Variants in CDH23 observed in about 807,000 individuals in gnomAD.
CDH23 encodes cadherin-23.
A neutral mutation model predicts 317.1 loss-of-function variants in CDH23; 189 were observed. That is an observed-to-expected ratio of 0.60 (90% CI 0.53 to 0.67). The LOEUF is 0.67. CDH23 is among the 30% of genes least tolerant of loss of function. The pLI is 0.00. For missense variants in CDH23, 4,401 were observed against 4,592.4 expected (o/e 0.96, Z 1.20); for synonymous variants, 1,839 against 1,876.8 (o/e 0.98, Z 0.52).
chr10:71,590,979 T>A (rs1054439561), intron 9 of CDH23, among the ~76,000 whole-genome samples: 1 of 151,224 alleles, frequency 6.6e-6, no homozygotes, highest in African/African-American at 2.4e-5. Flanking sequence ...GGTCTTAATG[T>A]GCCAGCTTCC....
At chr10:71,403,333 TTCTTTC>T (rs1847883271) in intron 1 of CDH23, among the ~76,000 whole-genome samples, 1 of 33,036 alleles carries the variant, frequency 3.0e-5, no homozygotes, top group Non-Finnish European at 5.6e-5. Context: ...CTTCCTTTCT[TTCTTTC>T]TTTCTTTCTT....
rs942310485 is a variant in CDH23, at chr10:71,779,495, C to A, written c.5368+48C>A. On this transcript the variant is annotated intron_variant, in intron 41 of 69. Transcript: ENST00000224721. The stretch of plus-strand genomic sequence containing the variant: ...CACCCACAGGGTCTCACCTGCACAC[C>A]CGCTCAGGGGAGGATAAGAAGGGAG... 5.3e-6 allele frequency: 8 copies of A among 1,500,356 alleles called. No individual in the cohort carries two copies. In the African/African-American group the frequency reaches 1.1e-4, roughly 21 times the overall value. The allele number at this position is 1,500,356 out of a possible 1,614,324, so 92.9% of individuals were successfully genotyped here. A position where few individuals can be genotyped will look rare whatever the true frequency, so the allele number is the denominator to read the frequency against.
chr10:71,536,358 G>A (rs61853869), intron 6 of CDH23, among the ~76,000 whole-genome samples: 21,958 of 152,202 alleles, frequency 0.14, 1,923 homozygotes, highest in African/African-American at 0.23. Context: ...GGAGGAGGCT[G>A]GTTCAATGGA....
intron 38 of CDH23, chr10:71,749,737 G>C (rs1021078249): frequency 6.6e-6 from 1 of 152,388 alleles, no homozygotes; most frequent in Non-Finnish European, 1.5e-5. Flanking sequence ...GTCCAGGTGG[G>C]GTTCCCTGGC....
At chr10:71,767,552 G>C (rs975303720) in intron 38 of CDH23, among the ~76,000 whole-genome samples, 23 of 152,214 alleles carry the variant, frequency 1.5e-4, no homozygotes, top group African/African-American at 5.3e-4. Context: ...CATCCCCCAG[G>C]ATGGTCCACA....
intron 38 of CDH23, chr10:71,760,663 C>G: frequency 1.7e-6 from 1 of 587,518 alleles, no homozygotes; most frequent in African/African-American, 1.9e-5. Context: ...GGAGCAGAGA[C>G]TCCAGAGCAG....
At chr10:71,624,734 C>CTATTATTATTATTAT (rs57038733) in intron 11 of CDH23, among the ~76,000 whole-genome samples, 14 of 146,212 alleles carry the variant, frequency 9.6e-5, no homozygotes, top group African/African-American at 3.0e-4. Context: ...TAGACATTAG[C>CTATTATTATTATTAT]TATTATTATT....
intron 3 of CDH23, among the ~76,000 whole-genome samples, chr10:71,462,955 C>T (rs929543787): frequency 9.9e-5 from 15 of 152,246 alleles, no homozygotes; most frequent in African/African-American, 3.4e-4. Context: ...GAGTGAACAA[C>T]CTCTTCATTG....
chr10:71,558,052 T>A (rs1699606900), intron 6 of CDH23, among the ~76,000 whole-genome samples: 1 of 152,058 alleles, frequency 6.6e-6, no homozygotes, highest in African/African-American at 2.4e-5. Flanking sequence ...GGCTGGTGTG[T>A]AATGGCATGG....
At chr10:71,713,667 G>T in intron 28 of CDH23, 1 of 239,442 alleles carries the variant, frequency 4.2e-6, no homozygotes, top group Non-Finnish European at 8.3e-6. Flanking sequence ...GGGTTCTCTC[G>T]ATCAGGGCCT....
Position 71,805,901 on chromosome 10 carries a change from G to A in CDH23, c.7968G>A (p.Ala2656=), listed in dbSNP as rs775852686. 2 of 1,613,638 alleles carry A rather than the reference G, an allele frequency of 1.2e-6. No homozygotes were observed. Among genetic ancestry groups the A allele is most frequent in the South Asian group, 1.1e-5 (1 of 90,952 alleles). Residue 2656 remains alanine, a synonymous_variant, in exon 56 of 70, where the codon GCG becomes GCA. Transcript: ENST00000224721. ...TGCGCTACAGCTTCCTGAAGACTGC[G>A]GGCAACCGGGACTGGGAGTTCTTCA... is the stretch of plus-strand genomic sequence containing the variant. ...GAVRYSFLKT[A]GNRDWEFFII...
At chr10:71,668,332 C>T (rs974006177) in intron 14 of CDH23, among the ~76,000 whole-genome samples, 2 of 152,238 alleles carry the variant, frequency 1.3e-5, no homozygotes, top group East Asian at 1.9e-4. Context: ...TTCAACAGGG[C>T]GAGGAGGATG....
chr10:71,657,486 T>A (rs1168461324), intron 14 of CDH23, among the ~76,000 whole-genome samples: 1 of 152,202 alleles, frequency 6.6e-6, no homozygotes, highest in East Asian at 1.9e-4. Flanking sequence ...ATTCTACCAT[T>A]GTATAAAGCT....
chr10:71,607,770 G>T (rs1191470330), intron 9 of CDH23, among the ~76,000 whole-genome samples: 1 of 152,220 alleles, frequency 6.6e-6, no homozygotes, highest in Non-Finnish European at 1.5e-5. Context: ...GAGCGCAGTG[G>T]TGTGCACCTG....
intron 41 of CDH23, among the ~76,000 whole-genome samples, chr10:71,783,885 C>A (rs528015369): frequency 6.6e-6 from 1 of 152,328 alleles, no homozygotes; most frequent in South Asian, 2.1e-4. Flanking sequence ...TGGGATGGAT[C>A]GTACATTGCG....
chr10:71,762,694 T>C (rs1383890344), intron 38 of CDH23, among the ~76,000 whole-genome samples: 4 of 152,240 alleles, frequency 2.6e-5, no homozygotes, highest in African/African-American at 9.6e-5. Flanking sequence ...GGAGAGTCTT[T>C]GGACTTGGTG....
At chr10:71,716,831 C>T (rs1866271468) in intron 28 of CDH23, 2 of 155,582 alleles carry the variant, frequency 1.3e-5, no homozygotes, top group Admixed American at 1.3e-4. Flanking sequence ...ATGTTTTTAT[C>T]AATGTAATTA....
chr10:71,678,662 T>G (rs1314336773), intron 16 of CDH23, among the ~76,000 whole-genome samples: 1 of 152,166 alleles, frequency 6.6e-6, no homozygotes, highest in Non-Finnish European at 1.5e-5. Context: ...CAGCTCCAGG[T>G]GTACCCGGAG....
chr10:71,681,394 G>A (rs899505254), intron 17 of CDH23, among the ~76,000 whole-genome samples: 1 of 152,134 alleles, frequency 6.6e-6, no homozygotes, highest in South Asian at 2.1e-4. Flanking sequence ...GATTTCAGTC[G>A]TGTGCAGTGG....
Sources: gnomAD v4.1 joint callset for allele counts (sites outside exome capture counted in the v4.1 genomes callset) on GRCh38, gnomAD v4.1.1 for gene constraint, MANE v1.5 for transcripts, NCBI Gene and HGNC (gene_info 2026-07-23, HGNC 2026-07-21) for gene names.